BAZ1B: variants seen among roughly 807,000 people sequenced by gnomAD.
BAZ1B encodes tyrosine-protein kinase BAZ1B.
A neutral mutation model predicts 153.8 loss-of-function variants in BAZ1B; 22 were observed. The ratio of observed to expected loss-of-function variants is 0.14; its 90% confidence interval spans 0.10 to 0.20. The LOEUF is 0.20. BAZ1B is among the 10% of genes least tolerant of loss of function. The pLI is 1.00. For missense variants in BAZ1B, 1,325 were observed against 1,799.3 expected (o/e 0.74, Z 4.77); for synonymous variants, 676 against 633.4 (o/e 1.07, Z -1.01).
intron 6 of BAZ1B, among the ~76,000 whole-genome samples, chr7:73,484,320 C>T (rs562526782): frequency 7.4e-6 from 1 of 135,934 alleles, no homozygotes; most frequent in Non-Finnish European, 1.7e-5. Flanking sequence ...GATAGACAGA[C>T]AGACAGACAG....
In BAZ1B at chr7:73,462,961, T is replaced by A. The variant is rs1554570607; in HGVS notation, c.3210A>T (p.Gly1070=). The part of the protein sequence containing the change: ...IEVATRLQKG[G]LGYVEETSEF... ...CTGATGTTTCTTCCACATATCCAAG[T>A]CCTCCTTTTTGTAACCTTGTTGCAA... is the stretch of plus-strand genomic sequence containing the variant. The change falls in exon 12 of 20, where the codon GGA becomes GGT. Residue 1070 remains glycine, a synonymous_variant. Coordinates refer to ENST00000339594, the MANE Select transcript of BAZ1B (RefSeq NM_032408.4). 6.2e-7 allele frequency: 1 copy of A among 1,614,018 alleles called. No homozygotes were observed. Among genetic ancestry groups the A allele is most frequent in the Non-Finnish European group, 8.5e-7 (1 of 1,180,008 alleles).
rs969467004 is a variant in BAZ1B at position 73,522,091 on chromosome 7, C to T, written c.-158G>A. 6.6e-6 allele frequency: 3 copies of T among 454,030 alleles called. No homozygotes were observed. Among genetic ancestry groups the T allele is most frequent in the Non-Finnish European group, 1.1e-5 (3 of 277,904 alleles). The allele number at this position is 454,030 out of a possible 1,614,324, so 28.1% of individuals were successfully genotyped here. On this transcript the variant is annotated 5_prime_UTR_variant, in exon 1 of 20. Transcript: ENST00000339594. The stretch of plus-strand genomic sequence containing the variant: ...AACTCCGGCTCCCTCACCGCCGGCG[C>T]GGCCGCGCGACAGTCATGGAGCGGA...
chr7:73,499,481 C>T (rs545267793), intron 3 of BAZ1B, among the ~76,000 whole-genome samples: 23 of 152,282 alleles, frequency 1.5e-4, no homozygotes, highest in Admixed American at 1.0e-3. Flanking sequence ...CCACCATGCC[C>T]GGCCAGACCC....
chr7:73,485,904 C>T (rs1469623435), intron 6 of BAZ1B, among the ~76,000 whole-genome samples: 2 of 152,062 alleles, frequency 1.3e-5, no homozygotes, highest in Non-Finnish European at 2.9e-5. Flanking sequence ...ATGATGGAGA[C>T]TAACAAAATA....
At chr7:73,511,963 C>T (rs1487931614) in intron 1 of BAZ1B, among the ~76,000 whole-genome samples, 3 of 137,384 alleles carry the variant, frequency 2.2e-5, no homozygotes, top group South Asian at 4.8e-4. Flanking sequence ...CCTGGGAGGC[C>T]GTTGCAGTGA....
chr7:73,442,913 A>G, intron 17 of BAZ1B, 85 bp from the exon 18 acceptor site: 1 of 1,005,658 alleles, frequency 9.9e-7, no homozygotes, highest in South Asian at 1.4e-5. Flanking sequence ...TATCTGCTCA[A>G]AAAAGGAAGA....
intron 6 of BAZ1B, among the ~76,000 whole-genome samples, chr7:73,485,936 G>A (rs1442153481): frequency 6.6e-6 from 1 of 152,102 alleles, no homozygotes; most frequent in Non-Finnish European, 1.5e-5. Flanking sequence ...TATTACAAGA[G>A]GAAAATGAGC....
intron 12 of BAZ1B, among the ~76,000 whole-genome samples, chr7:73,460,865 T>A (rs1263030594): frequency 6.6e-6 from 1 of 150,842 alleles, no homozygotes; most frequent in African/African-American, 2.4e-5. Context: ...CTTGGGAGAC[T>A]GAGGCAGAAG....
chr7:73,509,149 C>G (rs1263378244), intron 2 of BAZ1B, among the ~76,000 whole-genome samples: 2 of 151,994 alleles, frequency 1.3e-5, no homozygotes, highest in East Asian at 1.9e-4. Context: ...TGGCGAAACC[C>G]TGTCTCTACT....
In BAZ1B at chr7:73,459,509, A is replaced by G. The variant is rs199737564; in HGVS notation, c.3432+27T>C. On this transcript the variant is annotated intron_variant, in intron 13 of 19. Coordinates refer to ENST00000339594, the MANE Select transcript of BAZ1B (RefSeq NM_032408.4). ...CAAATCAACTCATCTACGGAATCAT[A>G]AACTACAACTTATAACAACAAAATA... 1.8e-5 allele frequency: 29 copies of G among 1,601,634 alleles called. No homozygotes were observed. The South Asian group carries it at 2.2e-4, about 12-fold the overall frequency.
At chr7:73,518,329 C>G (rs1280355695) in intron 1 of BAZ1B, among the ~76,000 whole-genome samples, 3 of 151,634 alleles carry the variant, frequency 2.0e-5, no homozygotes, top group Non-Finnish European at 4.4e-5. Context: ...AGGAAAATGG[C>G]GTGAACCCGG....
chr7:73,466,267 AAG>A (rs782780544), intron 10 of BAZ1B, 27 bp downstream of exon 10: 46 of 1,498,354 alleles, frequency 3.1e-5, no homozygotes, highest in Non-Finnish European at 4.0e-5. Context: ...AGGAAAAAGA[AAG>A]AGCAACCAGA....
chr7:73,444,228 G>A, intron 16 of BAZ1B, 99 bp from the exon 17 acceptor site: 2 of 1,366,802 alleles, frequency 1.5e-6, no homozygotes, highest in South Asian at 1.5e-5. Context: ...TCCTTTTCCT[G>A]GACAAGGAAA....
At chr7:73,469,450 A>C in intron 9 of BAZ1B, 67 bp downstream of exon 9, 1 of 1,573,462 alleles carries the variant, frequency 6.4e-7, no homozygotes. Flanking sequence ...ACAGAGGAAA[A>C]GCAGTCCTTA....
At chr7:73,518,499 C>CT (rs1216472313) in intron 1 of BAZ1B, among the ~76,000 whole-genome samples, 1 of 152,116 alleles carries the variant, frequency 6.6e-6, no homozygotes, top group Non-Finnish European at 1.5e-5. Flanking sequence ...CAGTAAAACT[C>CT]TATCTTACAA....
chr7:73,443,852 C>T, intron 17 of BAZ1B, 132 bp downstream of exon 17: 1 of 1,397,046 alleles, frequency 7.2e-7, no homozygotes, highest in Non-Finnish European at 9.9e-7. Context: ...TCTGCCTCCC[C>T]AGCCTCCCAA....
chr7:73,442,637 C>G, intron 18 of BAZ1B, 84 bp from the exon 19 acceptor site: 1 of 1,554,844 alleles, frequency 6.4e-7, no homozygotes, highest in Non-Finnish European at 8.7e-7. Flanking sequence ...AAAGCAAGGG[C>G]TTGGCTGAGA....
chr7:73,472,305 C>T (rs1418275188), intron 7 of BAZ1B, among the ~76,000 whole-genome samples: 1 of 151,162 alleles, frequency 6.6e-6, no homozygotes, highest in East Asian at 1.9e-4. Context: ...GTTGTCCAGG[C>T]TGGAGTGCAA....
At chr7:73,462,726 T>C in intron 12 of BAZ1B, 196 bp downstream of exon 12, 2 of 603,886 alleles carry the variant, frequency 3.3e-6, no homozygotes, top group Non-Finnish European at 5.7e-6. Context: ...ACTAAGTTTT[T>C]CTGGATAGCA....
Sources: allele counts gnomAD v4.1 joint callset (sites outside exome capture counted in the v4.1 genomes callset), GRCh38; gene constraint gnomAD v4.1.1; transcripts MANE v1.5; gene names NCBI Gene and HGNC (gene_info 2026-07-23, HGNC 2026-07-21).